Variants in SH3PXD2A observed in about 807,000 individuals in gnomAD.
The protein encoded by SH3PXD2A is SH3 and PX domain-containing protein 2A.
A neutral mutation model predicts 115.2 loss-of-function variants in SH3PXD2A; 32 were observed. The observed-to-expected ratio is 0.28, with a 90% CI of 0.21 to 0.37. The LOEUF (loss-of-function observed/expected upper bound fraction) is 0.37. Ranked by LOEUF, SH3PXD2A falls within the 10% of genes least tolerant of loss-of-function variation. SH3PXD2A has a pLI of 1.00. For missense variants in SH3PXD2A, 1,328 were observed against 1,498.7 expected, an observed-to-expected ratio of 0.89 and a Z score of 1.88; for synonymous variants, 610 against 629.1, an observed-to-expected ratio of 0.97 and a Z score of 0.45.
chr10:103,611,534 A>G (rs770351770), intron 13 of SH3PXD2A, 47 bp downstream of exon 13: 3 of 1,547,650 alleles, frequency 1.9e-6, no homozygotes, highest in Non-Finnish European at 2.7e-6. Flanking sequence ...GCTATAGCGC[A>G]TTCACAGAAA....
rs1043329139 is a variant in SH3PXD2A at position 103,767,156 on chromosome 10, T to A, written c.167A>T (p.Asp56Val). The A allele has an allele frequency of 6.2e-7, 1 of 1,613,684 alleles. No individual in the cohort carries two copies. The highest frequency in any genetic ancestry group is 1.3e-5 in the African/African-American group (1 of 74,884). ...KFFDLQMQLL[D>V]KFPIEGGQKD... ...CTGGCCACCTTCAATGGGAAACTTATCCAAAAGCTGCATCTGAGAAGCCAG... is the reference window on the plus strand; with the variant it reads ...CTGGCCACCTTCAATGGGAAACTTAACCAAAAGCTGCATCTGAGAAGCCAG... Residue 56 changes from aspartate to valine, a missense_variant, in exon 3 of 15, where the codon GAT becomes GTT. Transcript: ENST00000369774.
At chr10:103,658,028 C>T (rs2037236413) in intron 8 of SH3PXD2A, among the ~76,000 whole-genome samples, 2 of 152,226 alleles carry the variant, frequency 1.3e-5, no homozygotes, top group East Asian at 3.9e-4. Flanking sequence ...ACTTCAGCCA[C>T]AAATTGGTTA....
intron 6 of SH3PXD2A, among the ~76,000 whole-genome samples, chr10:103,682,701 G>A (rs894159472): frequency 1.3e-5 from 2 of 151,600 alleles, no homozygotes; most frequent in South Asian, 2.1e-4. Context: ...AGGTTGCAGT[G>A]AGCCGAGATC....
intron 5 of SH3PXD2A, among the ~76,000 whole-genome samples, chr10:103,705,665 C>T (rs1487447579): frequency 6.6e-6 from 1 of 152,156 alleles, no homozygotes. Context: ...CAAATCCTAA[C>T]CACCACACTG....
chr10:103,700,776 T>C (rs539952481), intron 5 of SH3PXD2A, among the ~76,000 whole-genome samples: 1 of 152,282 alleles, frequency 6.6e-6, no homozygotes, highest in Admixed American at 6.5e-5. Flanking sequence ...AGACTGTTCT[T>C]GGCTATGGGG....
At chr10:103,615,919 A>G (rs1047466362) in intron 11 of SH3PXD2A, among the ~76,000 whole-genome samples, 1 of 151,724 alleles carries the variant, frequency 6.6e-6, no homozygotes, top group African/African-American at 2.4e-5. Flanking sequence ...GTCTAGGGGC[A>G]CTGGCTTTGG....
At chr10:103,796,859 CTTTTTTT>C (rs11352709) in intron 2 of SH3PXD2A, among the ~76,000 whole-genome samples, 1 of 114,128 alleles carries the variant, frequency 8.8e-6, no homozygotes. Context: ...TTTGGAACAT[CTTTTTTT>C]TTTTTTTTTT....
intron 9 of SH3PXD2A, among the ~76,000 whole-genome samples, chr10:103,624,187 C>T (rs1437309378): frequency 6.6e-6 from 1 of 152,238 alleles, no homozygotes; most frequent in Non-Finnish European, 1.5e-5. Context: ...GGCTGCCAAG[C>T]CCTGGGAAGA....
intron 8 of SH3PXD2A, among the ~76,000 whole-genome samples, chr10:103,660,117 G>A (rs962304887): frequency 2.0e-5 from 3 of 152,080 alleles, no homozygotes; most frequent in Non-Finnish European, 2.9e-5. Flanking sequence ...CTGAGCACAG[G>A]GGCCTTCCCT....
At chr10:103,852,737 T>C (rs1321514060) in intron 1 of SH3PXD2A, among the ~76,000 whole-genome samples, 2 of 152,220 alleles carry the variant, frequency 1.3e-5, no homozygotes, top group East Asian at 1.9e-4. Flanking sequence ...CACCAGGCCC[T>C]TTCTATTGCT....
intron 2 of SH3PXD2A, among the ~76,000 whole-genome samples, chr10:103,781,961 G>A (rs899767735): frequency 6.6e-6 from 1 of 152,132 alleles, no homozygotes; most frequent in African/African-American, 2.4e-5. Context: ...AAGCTCAGAG[G>A]AACCAACGAT....
intron 1 of SH3PXD2A, among the ~76,000 whole-genome samples, chr10:103,826,899 A>G (rs879319262): frequency 6.6e-6 from 1 of 152,208 alleles, no homozygotes; most frequent in Non-Finnish European, 1.5e-5. Context: ...CATGGTCACC[A>G]TTAGGTAATT....
intron 14 of SH3PXD2A, among the ~76,000 whole-genome samples, chr10:103,604,727 T>C (rs1185197660): frequency 6.6e-6 from 1 of 152,190 alleles, no homozygotes; most frequent in Non-Finnish European, 1.5e-5. Flanking sequence ...TTCTCCTTCT[T>C]TGGGTCCTAC....
rs1214030386 is a variant in SH3PXD2A, at chr10:103,839,663, G to C, written c.72+15532C>G. The stretch of plus-strand genomic sequence containing the variant: ...AGGCCACGCAGCCCCTGAGTGGCAA[G>C]GCTGGGATTCCCGTCAGGCAGTCGG... On this transcript the variant is annotated intron_variant, in intron 1 of 14. Transcript: ENST00000369774. 2.0e-5 allele frequency among the ~76,000 whole-genome samples: 3 copies of C among 150,846 alleles called. No homozygotes were observed. The East Asian group carries it at 5.9e-4, about 29-fold the overall frequency.
chr10:103,695,755 C>T (rs2037817462), intron 5 of SH3PXD2A, among the ~76,000 whole-genome samples: 1 of 152,176 alleles, frequency 6.6e-6, no homozygotes, highest in Non-Finnish European at 1.5e-5. Flanking sequence ...TCCAGCCACC[C>T]CTAAGAAACA....
chr10:103,605,694 T>C, intron 14 of SH3PXD2A, 104 bp downstream of exon 14: 1 of 1,413,566 alleles, frequency 7.1e-7, no homozygotes, highest in Non-Finnish European at 9.9e-7. Flanking sequence ...CTTTCCTGCC[T>C]GCCTGCCCCT....
At chr10:103,675,486 C>T (rs952023639) in intron 6 of SH3PXD2A, among the ~76,000 whole-genome samples, 1 of 151,916 alleles carries the variant, frequency 6.6e-6, no homozygotes, top group African/African-American at 2.4e-5. Flanking sequence ...TCTCCAGGTC[C>T]CCTCTCTCTG....
chr10:103,728,826 G>C (rs907874901), intron 4 of SH3PXD2A, among the ~76,000 whole-genome samples: 1 of 151,942 alleles, frequency 6.6e-6, no homozygotes, highest in Non-Finnish European at 1.5e-5. Context: ...AAAGCACAGA[G>C]AGTTTACATA....
chr10:103,843,548 T>C (rs959897617), intron 1 of SH3PXD2A, among the ~76,000 whole-genome samples: 18 of 152,258 alleles, frequency 1.2e-4, no homozygotes, highest in Admixed American at 1.1e-3. Context: ...AACCTGCAAA[T>C]AGAGGCCAGA....
Sources: gnomAD v4.1 joint callset for allele counts (sites outside exome capture counted in the v4.1 genomes callset) on GRCh38, gnomAD v4.1.1 for gene constraint, MANE v1.5 for transcripts, NCBI Gene and HGNC (gene_info 2026-07-23, HGNC 2026-07-21) for gene names.